Variants in MBD5 observed in about 807,000 individuals in gnomAD.
MBD5 encodes the protein methyl-CpG binding domain protein 5.
Under a neutral mutation model 117.3 loss-of-function variants are expected in MBD5, and 13 were observed. The observed-to-expected ratio is 0.11, with a 90% confidence interval of 0.07 to 0.18. The LOEUF (loss-of-function observed/expected upper bound fraction) is 0.18, where lower values mean the gene tolerates loss of function less well. Among genes scored for constraint, MBD5 ranks in the 10% least tolerant of loss-of-function variants. The pLI, the probability that MBD5 is intolerant of heterozygous loss-of-function variation, is 1.00. For synonymous variants in MBD5, 727 were observed against 766.4 expected, an observed-to-expected ratio of 0.95 and a Z score of 0.85; for missense variants, 1,879 against 2,093.8, an observed-to-expected ratio of 0.90 and a Z score of 2.00.
At chr2:148,463,373 A>G (rs545914715) in intron 6 of MBD5, among the ~76,000 whole-genome samples, 25 of 152,324 alleles carry the variant, frequency 1.6e-4, no homozygotes, top group Admixed American at 1.6e-3. Context: ...CCAAGGAAAA[A>G]GTTAATATGT....
intron 2 of MBD5, among the ~76,000 whole-genome samples, chr2:148,195,123 G>A (rs1205947239): frequency 1.4e-5 from 2 of 143,778 alleles, no homozygotes; most frequent in East Asian, 1.9e-4. Flanking sequence ...GCTTTTTGTA[G>A]GGGGTTAGAT....
chr2:148,100,929 A>G (rs1696195673), intron 1 of MBD5, among the ~76,000 whole-genome samples: 1 of 152,128 alleles, frequency 6.6e-6, no homozygotes, highest in South Asian at 2.1e-4. Flanking sequence ...TGATTGATTG[A>G]TTGATTGGCA....
chr2:148,216,822 C>CTTTTA (rs1699568098), intron 2 of MBD5, among the ~76,000 whole-genome samples: 1 of 152,118 alleles, frequency 6.6e-6, no homozygotes, highest in African/African-American at 2.4e-5. Flanking sequence ...ACCCTCAGCA[C>CTTTTA]CACCCAAAGT....
chr2:148,507,367 C>G (rs1682064282), intron 12 of MBD5, among the ~76,000 whole-genome samples: 1 of 152,150 alleles, frequency 6.6e-6, no homozygotes, highest in African/African-American at 2.4e-5. Context: ...TTCACCAATT[C>G]TTAAAAAGTC....
At chr2:148,259,934 A>G (rs1481952515) in intron 3 of MBD5, among the ~76,000 whole-genome samples, 2 of 152,172 alleles carry the variant, frequency 1.3e-5, no homozygotes, top group Non-Finnish European at 1.5e-5. Context: ...AACAACAACA[A>G]AAAAGCTAAT....
chr2:148,437,915 G>C (rs916463473), intron 4 of MBD5, among the ~76,000 whole-genome samples: 3 of 152,062 alleles, frequency 2.0e-5, no homozygotes, highest in African/African-American at 7.2e-5. Flanking sequence ...TATGCCCAAA[G>C]AATCAAGATC....
intron 4 of MBD5, among the ~76,000 whole-genome samples, chr2:148,410,541 T>C (rs961718868): frequency 6.6e-6 from 1 of 152,186 alleles, no homozygotes; most frequent in Admixed American, 6.5e-5. Context: ...GCAATCCTCC[T>C]GCCTCAGTCC....
intron 2 of MBD5, among the ~76,000 whole-genome samples, chr2:148,212,253 A>C (rs1347145612): frequency 1.3e-5 from 2 of 152,130 alleles, no homozygotes; most frequent in African/African-American, 4.8e-5. Flanking sequence ...CTCAACTCCT[A>C]GTCCTGGCAA....
chr2:148,352,979 T>A (rs879465991), intron 4 of MBD5, among the ~76,000 whole-genome samples: 4 of 152,110 alleles, frequency 2.6e-5, no homozygotes, highest in Non-Finnish European at 5.9e-5. Context: ...AGAAAGCATA[T>A]GTAAAATTTT....
intron 8 of MBD5, among the ~76,000 whole-genome samples, chr2:148,482,561 T>C (rs1033307702): frequency 3.9e-5 from 6 of 152,182 alleles, no homozygotes; most frequent in Non-Finnish European, 7.4e-5. Context: ...CAGAAAGCTA[T>C]AAACTAAAAT....
intron 2 of MBD5, among the ~76,000 whole-genome samples, chr2:148,226,957 G>C (rs1464054419): frequency 6.6e-6 from 1 of 152,146 alleles, no homozygotes; most frequent in Non-Finnish European, 1.5e-5. Context: ...TTTTGATGGG[G>C]TTGTTTGTTT....
intron 4 of MBD5, among the ~76,000 whole-genome samples, chr2:148,352,673 T>C (rs1037522849): frequency 1.2e-4 from 18 of 152,142 alleles, no homozygotes; most frequent in Non-Finnish European, 2.1e-4. Flanking sequence ...TTTCTGGAGA[T>C]TCATGCAGGT....
intron 4 of MBD5, among the ~76,000 whole-genome samples, chr2:148,446,057 A>G (rs1010398354): frequency 2.0e-5 from 3 of 150,912 alleles, no homozygotes; most frequent in East Asian, 1.9e-4. Context: ...AGTAGGTTGC[A>G]AAAATTTTCT....
chr2:148,231,859 A>G (rs1699996048), intron 2 of MBD5, among the ~76,000 whole-genome samples: 1 of 152,172 alleles, frequency 6.6e-6, no homozygotes, highest in African/African-American at 2.4e-5. Context: ...GGGCTACATA[A>G]TATCTAGGAA....
At chr2:148,263,178 T>C (rs572783969) in intron 3 of MBD5, among the ~76,000 whole-genome samples, 5 of 152,330 alleles carry the variant, frequency 3.3e-5, no homozygotes, top group African/African-American at 1.2e-4. Flanking sequence ...TATGAAGATA[T>C]ACAGAAGGCT....
chr2:148,460,384 A>T (rs922283375), intron 5 of MBD5: 1 of 152,200 alleles, frequency 6.6e-6, no homozygotes, highest in Non-Finnish European at 1.5e-5. Context: ...CTCCAACTTC[A>T]AATCTGTATA....
chr2:148,250,391 G>A (rs1490782822), intron 3 of MBD5, among the ~76,000 whole-genome samples: 1 of 152,136 alleles, frequency 6.6e-6, no homozygotes, highest in Non-Finnish European at 1.5e-5. Flanking sequence ...ACCAATCCCT[G>A]TGACACAAGT....
At chr2:148,452,290 G>T (rs1706751461) in intron 4 of MBD5, among the ~76,000 whole-genome samples, 1 of 152,082 alleles carries the variant, frequency 6.6e-6, no homozygotes, top group Non-Finnish European at 1.5e-5. Context: ...GAGCTCAGGA[G>T]TTCAAGACCA....
intron 2 of MBD5, among the ~76,000 whole-genome samples, chr2:148,209,909 C>A (rs1699378553): frequency 6.6e-6 from 1 of 152,116 alleles, no homozygotes; most frequent in African/African-American, 2.4e-5. Context: ...TCCCCATGAT[C>A]CAAACACCTT....
Sources: gnomAD v4.1 joint callset for allele counts (sites outside exome capture counted in the v4.1 genomes callset) on GRCh38, gnomAD v4.1.1 for gene constraint, MANE v1.5 for transcripts, NCBI Gene and HGNC (gene_info 2026-07-23, HGNC 2026-07-21) for gene names.